The following ITGA7 variants were observed in gnomAD, a reference collection of about 807,000 sequenced individuals.
ITGA7 encodes integrin subunit alpha 7.
Under a neutral mutation model 131.6 loss-of-function variants are expected in ITGA7, and 84 were observed. That is an observed-to-expected ratio of 0.64 (90% CI 0.54 to 0.77). The LOEUF (loss-of-function observed/expected upper bound fraction) is 0.77. ITGA7 is among the 30% of genes least tolerant of loss of function. The pLI is 0.00. For missense variants in ITGA7, 1,399 were observed against 1,482.9 expected (o/e 0.94, Z 0.93); for synonymous variants, 548 against 600.7 (o/e 0.91, Z 1.28).
At chr12:55,711,703 A>G (rs1241516311), upstream of ITGA7, among the ~76,000 whole-genome samples, 4 of 152,216 alleles carry the variant, frequency 2.6e-5, no homozygotes, top group African/African-American at 9.6e-5. Flanking sequence ...ATTAAATGTA[A>G]AAATGAAAGA....
At position 55,695,590 on chromosome 12, in the gene ITGA7, G is replaced by C. The variant is rs755332293; in HGVS notation, c.1935C>G (p.Ser645Arg). 6.2e-7 allele frequency: 1 copy of C among 1,610,604 alleles called. No homozygotes were observed. Among genetic ancestry groups the C allele is most frequent in the Non-Finnish European group, 8.5e-7 (1 of 1,177,758 alleles). Reference sequence around the variant, plus strand: ...AGCGGGCGCGGACCAGCTGCAGATTGCTCTGGCAGATCTTGTCTTCACCAC... The same window carrying C: ...AGCGGGCGCGGACCAGCTGCAGATTCCTCTGGCAGATCTTGTCTTCACCAC... ...QGCGEDKICQ[S>R]NLQLVRARFC... Residue 645 changes from serine (S) to arginine (R), a missense_variant, in exon 14 of 25, where the codon AGC (serine) becomes AGG (arginine). Coordinates refer to ENST00000257879, the MANE Select transcript of ITGA7 (RefSeq NM_002206.3).
Position 55,698,530 on chromosome 12 carries a change from C to T in ITGA7, c.1045G>A (p.Glu349Lys). 2 of 1,614,160 alleles carry T rather than the reference C, an allele frequency of 1.2e-6. No individual in the cohort carries two copies. Among genetic ancestry groups the T allele is most frequent in the Non-Finnish European group, 1.7e-6 (2 of 1,180,036 alleles). ...VGAPYFFERQEELGGAVYVYL... is the reference protein window; with the variant it reads ...VGAPYFFERQKELGGAVYVYL... Reference sequence around the variant, plus strand: ...ACATACACAGCACCCCCCAGCTCTTCTTGGCGCTCAAAGAAGTAGGGGGCA... The same window carrying T: ...ACATACACAGCACCCCCCAGCTCTTTTTGGCGCTCAAAGAAGTAGGGGGCA... Residue 349 changes from glutamate (E) to lysine (K), a missense_variant, in exon 7 of 25, where the codon GAA (glutamate) becomes AAA (lysine). Transcript: ENST00000257879.
intron 21 of ITGA7, among the ~76,000 whole-genome samples, chr12:55,691,960 G>C (rs1392775663): frequency 1.3e-5 from 2 of 152,172 alleles, no homozygotes; most frequent in Admixed American, 1.3e-4. Flanking sequence ...CATCCTAGCA[G>C]GGAGGGGCAC....
chr12:55,698,313 A>G, intron 7 of ITGA7, 70 bp downstream of exon 7: 3 of 1,383,826 alleles, frequency 2.2e-6, no homozygotes, highest in Non-Finnish European at 2.9e-6. Flanking sequence ...CCACACCCTG[A>G]CCTCTGAGGG....
upstream of ITGA7, among the ~76,000 whole-genome samples, chr12:55,715,516 G>T (rs1876448882): frequency 1.3e-5 from 2 of 152,294 alleles, no homozygotes; most frequent in South Asian, 4.1e-4. Context: ...TCGCATTCCT[G>T]ACCACAAAAG....
chr12:55,716,386 T>A, upstream of ITGA7: 1 of 1,419,286 alleles, frequency 7.0e-7, no homozygotes, highest in Non-Finnish European at 9.2e-7. Flanking sequence ...TCCGGTCCCT[T>A]GGGCAATACT....
rs769984679 is a variant in ITGA7, at chr12:55,701,089, A to C, written c.480T>G (p.Ile160Met). The C allele has an allele frequency of 6.2e-7, 1 of 1,614,198 alleles. No individual in the cohort carries two copies. The highest frequency in any genetic ancestry group is 1.1e-5 in the South Asian group (1 of 91,090). The change falls in exon 4 of 25, where the codon ATT (isoleucine) becomes ATG (methionine). Residue 160 changes from isoleucine (I) to methionine (M), a missense_variant. Physicochemically the swap from Ile to Met is conservative, Grantham distance 10 (BLOSUM62 1). Coordinates refer to ENST00000257879, the MANE Select transcript of ITGA7 (RefSeq NM_002206.3). ...CCTGGCTGAGCACAAAGCAGCGACC[A>C]ATCATATCCCGCGTCTCCAGGATCT... ...VDQILETRDM[I>M]GRCFVLSQDL...
intron 1 of ITGA7, among the ~76,000 whole-genome samples, chr12:55,704,361 T>A (rs1440924990): frequency 6.6e-6 from 1 of 152,170 alleles, no homozygotes; most frequent in Non-Finnish European, 1.5e-5. Context: ...GCAGCTGCCA[T>A]CCCTTGTCAG....
Position 55,699,862 on chromosome 12 carries a change from T to C in ITGA7, c.790+8A>G. On this transcript the variant is annotated splice_region_variant and intron_variant, in intron 5 of 24. Coordinates refer to ENST00000257879, the MANE Select transcript of ITGA7 (RefSeq NM_002206.3). The stretch of plus-strand genomic sequence containing the variant: ...CCCCTAGAGTCCAGGAGGTGGGAGC[T>C]TACAAACCTAAGTAGCTATTGAGGG... 6.2e-7 allele frequency: 1 copy of C among 1,600,804 alleles called. No individual in the cohort carries two copies. The highest frequency in any genetic ancestry group is 8.5e-7 in the Non-Finnish European group (1 of 1,174,510).
intron 3 of ITGA7, among the ~76,000 whole-genome samples, chr12:55,702,180 T>TA (rs1374066891): frequency 2.6e-5 from 3 of 117,300 alleles, no homozygotes; most frequent in African/African-American, 8.7e-5. Context: ...CACACCTAGC[T>TA]AATTTTTTTT....
chr12:55,703,033 G>A lies in ITGA7; in HGVS notation c.334+18C>T, dbSNP rs751465837. On this transcript the variant is annotated intron_variant, in intron 2 of 24. Coordinates refer to ENST00000257879, the MANE Select transcript of ITGA7 (RefSeq NM_002206.3). ...CCCGCTCACACGCTTCCCCCACTCT[G>A]TTCATGCAGGGCCACACCTCCCTGG... 1.9e-6 allele frequency: 3 copies of A among 1,613,862 alleles called. No individual in the cohort carries two copies. Among genetic ancestry groups the A allele is most frequent in the Non-Finnish European group, 2.5e-6 (3 of 1,180,028 alleles).
intron 4 of ITGA7, chr12:55,700,249 G>A (rs770238350): frequency 6.9e-6 from 11 of 1,597,584 alleles, no homozygotes; most frequent in Non-Finnish European, 8.5e-6. Context: ...CTGGGCCGGG[G>A]AGAGGTCCCT....
chr12:55,713,387 A>G (rs1159675137), upstream of ITGA7, among the ~76,000 whole-genome samples: 1 of 152,208 alleles, frequency 6.6e-6, no homozygotes, highest in Non-Finnish European at 1.5e-5. Flanking sequence ...GATTCCCAGA[A>G]AAGTGCTCTG....
At chr12:55,696,839 T>G in intron 12 of ITGA7, 60 bp downstream of exon 12, 1 of 1,585,976 alleles carries the variant, frequency 6.3e-7, no homozygotes, top group Non-Finnish European at 8.7e-7. Flanking sequence ...CTAAGAGGAA[T>G]CAGGGAAAAG....
At chr12:55,697,899 C>A in intron 8 of ITGA7, 39 bp downstream of exon 8, 2 of 1,614,074 alleles carry the variant, frequency 1.2e-6, no homozygotes, top group East Asian at 4.5e-5. Context: ...CTGCTGATTC[C>A]ACCCACACCC....
At chr12:55,712,706 A>C (rs752248576), upstream of ITGA7, among the ~76,000 whole-genome samples, 3 of 152,328 alleles carry the variant, frequency 2.0e-5, no homozygotes, top group East Asian at 1.9e-4. Context: ...AGTGAAGCTG[A>C]GCTTCAACTG....
chr12:55,692,199 G>A (rs1871565848), intron 21 of ITGA7, among the ~76,000 whole-genome samples: 1 of 152,200 alleles, frequency 6.6e-6, no homozygotes, highest in Admixed American at 6.5e-5. Flanking sequence ...GATCGCTCGA[G>A]GTTAGGAGTT....
At chr12:55,695,229 A>G in intron 14 of ITGA7, 2 of 595,774 alleles carry the variant, frequency 3.4e-6, no homozygotes, top group Non-Finnish European at 6.0e-6. Flanking sequence ...CATCTATAAA[A>G]TGAGACTAAT....
In ITGA7 at chr12:55,685,219, G is replaced by A. The variant is rs200346980; in HGVS notation, c.3253C>T (p.Arg1085Trp). 51 of 1,614,202 alleles carry A rather than the reference G, an allele frequency of 3.2e-5. No individual in the cohort carries two copies. Among genetic ancestry groups the A allele is most frequent in the East Asian group, 2.5e-4 (11 of 44,874 alleles). Reference protein sequence around the residue: ...VPQYHAVKIPREDRQQFKEEK... With the variant: ...VPQYHAVKIPWEDRQQFKEEK... ...TCCTTGAACTGCTGTCGGTCTTCCC[G>A]AGGAATCTTCACCGCATGGTACTGG... is the stretch of plus-strand genomic sequence containing the variant. Residue 1085 changes from arginine (R) to tryptophan (W), a missense_variant, in exon 25 of 25, where the codon CGG becomes TGG. Coordinates refer to ENST00000257879, the MANE Select transcript of ITGA7 (RefSeq NM_002206.3).
Sources: gnomAD v4.1 joint callset for allele counts (sites outside exome capture counted in the v4.1 genomes callset) on GRCh38, gnomAD v4.1.1 for gene constraint, MANE v1.5 for transcripts, NCBI Gene and HGNC (gene_info 2026-07-23, HGNC 2026-07-21) for gene names.